CUX2: variants seen among roughly 807,000 people sequenced by gnomAD.
The protein encoded by CUX2 is homeobox protein cut-like 2.
CUX2 carries 40 observed loss-of-function variants against 144.8 expected under a neutral mutation model. The ratio of observed to expected loss-of-function variants is 0.28; its 90% CI spans 0.21 to 0.36. CUX2 has a LOEUF of 0.36. Ranked by LOEUF, CUX2 falls within the 10% of genes least tolerant of loss-of-function variation. The pLI, the probability that CUX2 is intolerant of heterozygous loss-of-function variation, is 1.00. For synonymous variants in CUX2, 827 were observed against 875.6 expected, an observed-to-expected ratio of 0.94 and a Z score of 0.98; for missense variants, 1,615 against 1,994.0, an observed-to-expected ratio of 0.81 and a Z score of 3.62.
intron 1 of CUX2, among the ~76,000 whole-genome samples, chr12:111,169,304 G>A (rs965324224): frequency 6.6e-6 from 1 of 152,050 alleles, no homozygotes; most frequent in Non-Finnish European, 1.5e-5. Context: ...GGAGCCTGCA[G>A]AGTGAGCGCA....
intron 1 of CUX2, among the ~76,000 whole-genome samples, chr12:111,038,973 C>T (rs1869600960): frequency 6.6e-6 from 1 of 150,838 alleles, no homozygotes; most frequent in Non-Finnish European, 1.5e-5. Context: ...TTTTTTTAAA[C>T]TCTCCTGTTA....
intron 1 of CUX2, among the ~76,000 whole-genome samples, chr12:111,141,905 G>A (rs1876345193): frequency 6.6e-6 from 1 of 152,154 alleles, no homozygotes; most frequent in Non-Finnish European, 1.5e-5. Flanking sequence ...GCCAACATGC[G>A]AAACCCTGTC....
At chr12:111,329,121 C>T (rs933196065) in intron 18 of CUX2, among the ~76,000 whole-genome samples, 1 of 148,734 alleles carries the variant, frequency 6.7e-6, no homozygotes, top group Non-Finnish European at 1.5e-5. Flanking sequence ...CTCTTTTCAT[C>T]TCTCTTGCAC....
intron 1 of CUX2, among the ~76,000 whole-genome samples, chr12:111,198,013 C>T (rs1437118170): frequency 2.0e-5 from 3 of 152,192 alleles, no homozygotes; most frequent in Non-Finnish European, 4.4e-5. Context: ...TGTTCTTGAT[C>T]TCTCCTTCCC....
In CUX2 at chr12:111,047,319, A is replaced by AC. The variant is rs542414856; in HGVS notation, c.63+13079_63+13080insC. Among the ~76,000 whole-genome samples, 19 of 152,352 alleles carry AC rather than the reference A, an allele frequency of 1.2e-4. No homozygotes were observed. The South Asian group carries it at 3.7e-3, about 30-fold the overall frequency. On this transcript the variant is annotated intron_variant, in intron 1 of 21. Transcript: ENST00000261726. ...GTCGTTGATAAAGAAGGAAGGAGAT[A>AC]GACTTGTAGCCTTTATTAAAAAAGT...
At chr12:111,048,647 T>C (rs73197948) in intron 1 of CUX2, among the ~76,000 whole-genome samples, 46 of 152,192 alleles carry the variant, frequency 3.0e-4, no homozygotes, top group Non-Finnish European at 5.7e-4. Flanking sequence ...TCTGTGGGCA[T>C]TATTACCAGT....
intron 1 of CUX2, among the ~76,000 whole-genome samples, chr12:111,182,378 T>C (rs573323534): frequency 1.3e-5 from 2 of 152,378 alleles, no homozygotes; most frequent in African/African-American, 4.8e-5. Flanking sequence ...AGGCATTCTC[T>C]TTTACATACA....
chr12:111,116,439 T>G (rs1283651761), intron 1 of CUX2, among the ~76,000 whole-genome samples: 1 of 152,246 alleles, frequency 6.6e-6, no homozygotes, highest in Non-Finnish European at 1.5e-5. Context: ...TGGATGCTAC[T>G]TGGACTTATA....
intron 3 of CUX2, among the ~76,000 whole-genome samples, chr12:111,221,693 TG>T (rs1281632978): frequency 6.6e-6 from 1 of 152,172 alleles, no homozygotes; most frequent in Non-Finnish European, 1.5e-5. Context: ...ATGTTATTCC[TG>T]AATTTTGCTT....
rs1888975700 is a variant in CUX2 at position 111,349,735 on chromosome 12, G to A, written c.*1410G>A. On this transcript the variant is annotated 3_prime_UTR_variant, in exon 22 of 22. Coordinates refer to ENST00000261726, the MANE Select transcript of CUX2 (RefSeq NM_015267.4). ...TTTGGATAGAACGGCCACCATATTGGTTACTGAATCTCTCTCCCTTGTTTT... is the reference window on the plus strand; with the variant it reads ...TTTGGATAGAACGGCCACCATATTGATTACTGAATCTCTCTCCCTTGTTTT... The A allele has an allele frequency of 6.6e-6, 1 of 152,160 alleles. No homozygotes were observed. Among genetic ancestry groups the A allele is most frequent in the Non-Finnish European group, 1.5e-5 (1 of 68,028 alleles). 9.4% of individuals were successfully genotyped at this position (152,160 alleles called of 1,614,324 possible).
In CUX2 at chr12:111,308,395, G is replaced by A. The variant is rs1225067489; in HGVS notation, c.1159-32G>A. 5.0e-6 allele frequency: 8 copies of A among 1,613,772 alleles called. No homozygotes were observed. In the Admixed American group the frequency reaches 1.3e-4, roughly 27 times the overall value. On this transcript the variant is annotated intron_variant, in intron 13 of 21. Transcript: ENST00000261726. ...GCCCCAGTGAGCCTTCCGCCCACCA[G>A]GTGCCCTCTCAACCTGCCTCTTGTC...
chr12:111,269,126 A>G (rs1450964720), intron 4 of CUX2, among the ~76,000 whole-genome samples: 14 of 152,314 alleles, frequency 9.2e-5, no homozygotes, highest in Non-Finnish European at 1.5e-5. Context: ...TGGAGGCATC[A>G]AGGTTCACAG....
At chr12:111,095,060 A>G (rs1872739355) in intron 1 of CUX2, among the ~76,000 whole-genome samples, 1 of 152,048 alleles carries the variant, frequency 6.6e-6, no homozygotes, top group African/African-American at 2.4e-5. Flanking sequence ...GCACCCAGGG[A>G]CTTCACCTCA....
At chr12:111,144,073 C>A (rs1876506605) in intron 1 of CUX2, among the ~76,000 whole-genome samples, 1 of 152,130 alleles carries the variant, frequency 6.6e-6, no homozygotes, top group Admixed American at 6.5e-5. Context: ...GGCAGTGGAC[C>A]CCCCACTGCC....
Position 111,322,287 on chromosome 12 carries a change from C to A in CUX2, c.2767-134C>A. The A allele has an allele frequency of 1.0e-6, 1 of 988,894 alleles. No homozygotes were observed. The highest frequency in any genetic ancestry group is 1.4e-6 in the Non-Finnish European group (1 of 702,364). The allele number at this position is 988,894 out of a possible 1,614,324, so 61.3% of individuals were successfully genotyped here. ...GAGCTGAGATGGTGCCACTGCACTC[C>A]ATCCTGGGCGACAGACAAAGCGAGA... On this transcript the variant is annotated intron_variant, in intron 17 of 21. Coordinates refer to ENST00000261726, the MANE Select transcript of CUX2 (RefSeq NM_015267.4). The surrounding 1 kb of genome is among the most constrained non-coding windows in gnomAD (Gnocchi z 4.2).
At chr12:111,218,243 G>C (rs1881659076) in intron 3 of CUX2, among the ~76,000 whole-genome samples, 1 of 152,234 alleles carries the variant, frequency 6.6e-6, no homozygotes, top group Admixed American at 6.5e-5. Context: ...GGCGTACACA[G>C]TGGCTCACAC....
intron 1 of CUX2, among the ~76,000 whole-genome samples, chr12:111,042,139 C>T (rs536201887): frequency 2.2e-4 from 33 of 152,372 alleles, no homozygotes; most frequent in South Asian, 1.2e-3. Flanking sequence ...TGCCCAGAGA[C>T]GCTGGGGGGC....
At chr12:111,110,114 C>G (rs1307438887) in intron 1 of CUX2, among the ~76,000 whole-genome samples, 1 of 151,330 alleles carries the variant, frequency 6.6e-6, no homozygotes, top group African/African-American at 2.4e-5. Flanking sequence ...AACTCCTAGG[C>G]TCAAGCAATC....
intron 1 of CUX2, among the ~76,000 whole-genome samples, chr12:111,112,963 C>T (rs892286608): frequency 2.6e-5 from 4 of 152,106 alleles, no homozygotes; most frequent in Non-Finnish European, 2.9e-5. Flanking sequence ...CAGAAAGTGA[C>T]GCGTATCTGA....
Sources: gnomAD v4.1 joint callset for allele counts (sites outside exome capture counted in the v4.1 genomes callset) on GRCh38, gnomAD v4.1.1 for gene constraint, Gnocchi (gnomAD v3.1) non-coding constraint, MANE v1.5 for transcripts, NCBI Gene and HGNC (gene_info 2026-07-23, HGNC 2026-07-21) for gene names.